CHMP3: variants seen among roughly 807,000 people sequenced by gnomAD.
CHMP3 encodes 25.1 protein.
CHMP3 carries 8 observed loss-of-function variants against 27.4 expected under a neutral mutation model. That is an observed-to-expected ratio of 0.29 (90% CI 0.17 to 0.53). CHMP3 has a LOEUF of 0.53. Ranked by LOEUF, CHMP3 falls within the 20% of genes least tolerant of loss-of-function variation. CHMP3 has a pLI of 0.96. For missense variants in CHMP3, 208 were observed against 271.5 expected, an observed-to-expected ratio of 0.77 and a Z score of 1.64; for synonymous variants, 86 against 85.5, an observed-to-expected ratio of 1.01 and a Z score of -0.03.
chr2:86,507,811 G>A (rs1367287223), intron 4 of CHMP3, among the ~76,000 whole-genome samples: 3 of 152,202 alleles, frequency 2.0e-5, no homozygotes, highest in African/African-American at 7.2e-5. Flanking sequence ...CACCCTAGGG[G>A]TGGGGAGTGC....
chr2:86,529,239 T>G lies in CHMP3; in HGVS notation c.265A>C (p.Met89Leu). ...ASKAHMNSVL[M>L]GMKNQLAVLR... is the part of the protein sequence containing the mutation. ...TTACCGAGCTGGTTCTTCATCCCCA[T>G]GAGCACTGAGTTCATGTGTGCTTTG... Residue 89 changes from methionine to leucine, a missense_variant, in exon 3 of 6, where the codon ATG becomes CTG. By Grantham distance (15) the Met-to-Leu change is conservative. Coordinates refer to ENST00000263856, the MANE Select transcript of CHMP3 (RefSeq NM_016079.4). The G allele has an allele frequency of 6.2e-7, 1 of 1,608,992 alleles. No homozygotes were observed. The highest frequency in any genetic ancestry group is 1.1e-5 in the South Asian group (1 of 90,136).
At chr2:86,506,761 C>T (rs1007184922) in intron 5 of CHMP3, among the ~76,000 whole-genome samples, 14 of 151,670 alleles carry the variant, frequency 9.2e-5, no homozygotes, top group African/African-American at 3.4e-4. Flanking sequence ...TGTGTGCCAC[C>T]ACACCCACCT....
At chr2:86,560,002 T>C (rs527304145) in intron 1 of CHMP3, among the ~76,000 whole-genome samples, 24 of 152,248 alleles carry the variant, frequency 1.6e-4, no homozygotes, top group Middle Eastern at 6.8e-3. Flanking sequence ...CGCGGTGGCT[T>C]ACACCTGTAA....
intron 3 of CHMP3, among the ~76,000 whole-genome samples, chr2:86,520,894 G>GTATA (rs1675496040): frequency 6.6e-6 from 1 of 152,150 alleles, no homozygotes; most frequent in Non-Finnish European, 1.5e-5. Flanking sequence ...TGACTTGCAC[G>GTATA]TATACATCCA....
chr2:86,542,720 C>T (rs1676414357), intron 1 of CHMP3: 1 of 156,072 alleles, frequency 6.4e-6, no homozygotes, highest in Admixed American at 6.4e-5. Context: ...TTCCCTTTTT[C>T]CCTTTAAAAA....
intron 3 of CHMP3, among the ~76,000 whole-genome samples, chr2:86,525,693 G>C (rs886436409): frequency 2.6e-5 from 4 of 152,060 alleles, no homozygotes; most frequent in Admixed American, 2.0e-4. Flanking sequence ...GGGGATTCAA[G>C]TCTCATGAAA....
At chr2:86,556,385 A>G (rs1421749304) in intron 1 of CHMP3, among the ~76,000 whole-genome samples, 1 of 152,210 alleles carries the variant, frequency 6.6e-6, no homozygotes, top group African/African-American at 2.4e-5. Context: ...CTGAGTATAT[A>G]TCAGCTCAAT....
intron 3 of CHMP3, among the ~76,000 whole-genome samples, chr2:86,513,270 G>A (rs1159512533): frequency 1.3e-5 from 2 of 152,174 alleles, no homozygotes; most frequent in African/African-American, 4.8e-5. Flanking sequence ...GCTACATATT[G>A]TATGATTCCA....
At chr2:86,537,019 C>T (rs1259664631) in intron 2 of CHMP3, among the ~76,000 whole-genome samples, 2 of 152,044 alleles carry the variant, frequency 1.3e-5, no homozygotes, top group African/African-American at 2.4e-5. Context: ...TACCACCACA[C>T]CTGGCTAATT....
rs1677284710 is a variant in CHMP3, at chr2:86,560,055, G to A, written c.45+3249C>T. Among the ~76,000 whole-genome samples the A allele has an allele frequency of 2.6e-5, 4 of 152,188 alleles. No individual in the cohort carries two copies. The South Asian group carries it at 8.3e-4, about 32-fold the overall frequency. On this transcript the variant is annotated intron_variant, in intron 1 of 5. Coordinates refer to ENST00000263856, the MANE Select transcript of CHMP3 (RefSeq NM_016079.4). ...CCAAGGCGGGCAGATCACGAGGTCA[G>A]GAGATCAAGACCATCCTGGCTAACA...
chr2:86,538,068 A>T (rs1392873308), intron 2 of CHMP3, among the ~76,000 whole-genome samples: 1 of 152,234 alleles, frequency 6.6e-6, no homozygotes, highest in African/African-American at 2.4e-5. Flanking sequence ...ATATACAGAC[A>T]ACGGAATATT....
intron 2 of CHMP3, among the ~76,000 whole-genome samples, chr2:86,539,323 C>T (rs940439333): frequency 1.2e-4 from 19 of 152,112 alleles, no homozygotes; most frequent in Non-Finnish European, 2.6e-4. Flanking sequence ...ACACTTTATA[C>T]ATATTCACAG....
At chr2:86,562,572 C>T (rs966216003) in intron 1 of CHMP3, 2 of 152,156 alleles carry the variant, frequency 1.3e-5, no homozygotes, top group African/African-American at 4.8e-5. Flanking sequence ...GCTTCACAGT[C>T]GAGAAGGCAC....
At chr2:86,507,262 T>C in intron 5 of CHMP3, 1 of 493,868 alleles carries the variant, frequency 2.0e-6, no homozygotes, top group Admixed American at 3.3e-5. Context: ...GTATCTTCCT[T>C]TAAAATCATG....
intron 1 of CHMP3, among the ~76,000 whole-genome samples, chr2:86,560,243 C>A (rs1207256205): frequency 6.6e-6 from 1 of 151,650 alleles, no homozygotes; most frequent in Admixed American, 6.6e-5. Context: ...GCCTGGGCGA[C>A]AGAGCGAGAC....
chr2:86,556,748 G>A (rs756432133), intron 1 of CHMP3, among the ~76,000 whole-genome samples: 2 of 152,110 alleles, frequency 1.3e-5, no homozygotes, highest in African/African-American at 2.4e-5. Context: ...ATAAATACTC[G>A]CAGCGCCGGC....
At chr2:86,518,641 T>C (rs1558646954) in intron 3 of CHMP3, among the ~76,000 whole-genome samples, 1 of 152,144 alleles carries the variant, frequency 6.6e-6, no homozygotes. Flanking sequence ...GCAGCTGTTT[T>C]ACGCATTCTA....
chr2:86,562,473 G>A (rs12987172), intron 1 of CHMP3, among the ~76,000 whole-genome samples: 59,531 of 152,026 alleles, frequency 0.39, 13,653 homozygotes, highest in East Asian at 0.75. Context: ...AAGCTGTGCC[G>A]TATTTAAAGA....
intron 1 of CHMP3, among the ~76,000 whole-genome samples, chr2:86,555,957 C>A (rs1027678103): frequency 2.6e-5 from 4 of 152,110 alleles, no homozygotes; most frequent in African/African-American, 9.7e-5. Context: ...TTTCAGCCTA[C>A]CACAATGGAT....
Sources: gnomAD v4.1 joint callset for allele counts (sites outside exome capture counted in the v4.1 genomes callset) on GRCh38, gnomAD v4.1.1 for gene constraint, MANE v1.5 for transcripts, NCBI Gene and HGNC (gene_info 2026-07-23, HGNC 2026-07-21) for gene names.